Variants in CFAP97D2 observed in about 807,000 individuals in gnomAD.
CFAP97D2 encodes CFAP97 domain containing 2.
At chr13:114,209,937 T>TATTGA (rs2080959660) in intron 3 of CFAP97D2, among the ~76,000 whole-genome samples, 1 of 152,218 alleles carries the variant, frequency 6.6e-6, no homozygotes. Flanking sequence ...TTGCTCAATT[T>TATTGA]ATTGAATTGT....
At chr13:114,215,127 T>C (rs1402999157) in intron 4 of CFAP97D2, among the ~76,000 whole-genome samples, 1 of 152,174 alleles carries the variant, frequency 6.6e-6, no homozygotes, top group Admixed American at 6.5e-5. Flanking sequence ...ACAAACAGTC[T>C]AGCAATTTTC....
chr13:114,180,050 G>A (rs1043630647), intron 1 of CFAP97D2, among the ~76,000 whole-genome samples: 1 of 152,240 alleles, frequency 6.6e-6, no homozygotes, highest in South Asian at 2.1e-4. Flanking sequence ...TTTATTGGAT[G>A]CAAATGTGGA....
rs1443957363 is a variant in CFAP97D2 at position 114,215,681 on chromosome 13, C to T, written c.480+3580C>T. ...AATGTCAAAAACTCTATTCTTCACACTTCATAGAAATTGTTCTCCAGAGAT... is the reference window on the plus strand; with the variant it reads ...AATGTCAAAAACTCTATTCTTCACATTTCATAGAAATTGTTCTCCAGAGAT... On this transcript the variant is annotated intron_variant, in intron 4 of 4. Coordinates refer to ENST00000646158, the Ensembl canonical transcript of CFAP97D2. 2.0e-5 allele frequency: 3 copies of T among 152,200 alleles called. No homozygotes were observed. The South Asian group carries it at 6.2e-4, about 31-fold the overall frequency. 9.4% of individuals were successfully genotyped at this position (152,200 alleles called of 1,614,324 possible). A position where few individuals can be genotyped will look rare whatever the true frequency, so the allele number is the denominator to read the frequency against.
rs1325704610 is a variant in CFAP97D2, at chr13:114,179,629, T to C, written c.90+209T>C. Among the ~76,000 whole-genome samples the C allele has an allele frequency of 6.6e-6, 1 of 151,944 alleles. No homozygotes were observed. The highest frequency in any genetic ancestry group is 2.4e-5 in the African/African-American group (1 of 41,428). ...TAGTTGACGGCTTTCTTTCTTTCTT[T>C]TTTTTTTTTGAGATGACAGCTTTCA... is the stretch of plus-strand genomic sequence containing the variant. On this transcript the variant is annotated intron_variant, in intron 1 of 4. Transcript: ENST00000646158. The surrounding 1 kb of genome is among the most constrained non-coding windows in gnomAD (Gnocchi z 4.8).
At chr13:114,223,038 C>G (rs1318172593), downstream of CFAP97D2, 1 of 152,408 alleles carries the variant, frequency 6.6e-6, no homozygotes, top group African/African-American at 2.4e-5. Context: ...GTTCCTTTAA[C>G]AAATATCTAA....
chr13:114,216,070 C>T (rs1479197626), intron 4 of CFAP97D2, among the ~76,000 whole-genome samples: 1 of 152,198 alleles, frequency 6.6e-6, no homozygotes, highest in Non-Finnish European at 1.5e-5. Flanking sequence ...ACACAAGTCA[C>T]AATCTCACTA....
chr13:114,200,522 G>A, intron 3 of CFAP97D2, 79 bp downstream of exon 3: 1 of 397,260 alleles, frequency 2.5e-6, no homozygotes, highest in Non-Finnish European at 4.4e-6. Context: ...ATGAGCAGAA[G>A]AGCTGCCCGT....
At chr13:114,217,777 CAT>C (rs1253886781) in intron 4 of CFAP97D2, among the ~76,000 whole-genome samples, 1 of 152,222 alleles carries the variant, frequency 6.6e-6, no homozygotes, top group Non-Finnish European at 1.5e-5. Context: ...ACAAAAACCA[CAT>C]GATTATCTCA....
At chr13:114,204,890 A>C (rs570722578) in intron 3 of CFAP97D2, among the ~76,000 whole-genome samples, 160 of 152,340 alleles carry the variant, frequency 1.1e-3, no homozygotes, top group Non-Finnish European at 1.7e-3. Context: ...AGTAAAAAAA[A>C]CCCACAGAAT....
In CFAP97D2 at chr13:114,198,707, T is replaced by C. The variant is rs1273395559; in HGVS notation, c.172-1618T>C. On this transcript the variant is annotated intron_variant, in intron 2 of 4. Coordinates refer to ENST00000646158, the Ensembl canonical transcript of CFAP97D2. The stretch of plus-strand genomic sequence containing the variant: ...GGGTCCCCGTGCGTACGGTCCCCGC[T>C]GAGGGGTGACGGCGCGTCCCCGTGT... Among the ~76,000 whole-genome samples, 753 of 79,476 alleles carry C rather than the reference T, an allele frequency of 9.5e-3. 8 individuals carry two copies. The highest frequency in any genetic ancestry group is 0.06 in the East Asian group (90 of 1,492). 52.1% of individuals were successfully genotyped at this position (79,476 alleles called of 152,430 possible).
chr13:114,218,066 G>C (rs2081003868), intron 4 of CFAP97D2, among the ~76,000 whole-genome samples: 1 of 152,140 alleles, frequency 6.6e-6, no homozygotes, highest in African/African-American at 2.4e-5. Context: ...TATTCAATTA[G>C]GAAAAGAGGA....
rs1242935456 is a variant in CFAP97D2, at chr13:114,207,538, C to G, written c.291-4374C>G. Among the ~76,000 whole-genome samples, 1 of 152,178 alleles carries G rather than the reference C, an allele frequency of 6.6e-6. No homozygotes were observed. The highest frequency in any genetic ancestry group is 2.4e-5 in the African/African-American group (1 of 41,440). On this transcript the variant is annotated intron_variant, in intron 3 of 4. Transcript: ENST00000646158. The surrounding 1 kb of genome is among the most constrained non-coding windows in gnomAD (Gnocchi z 4.9). ...CGTGCAGTTCACAATAGGGTTCACA[C>G]TCCTATGACAATCTAATGGCACTGC...
chr13:114,201,780 A>G (rs904328305), intron 3 of CFAP97D2, among the ~76,000 whole-genome samples: 5 of 152,212 alleles, frequency 3.3e-5, no homozygotes, highest in African/African-American at 1.2e-4. Context: ...GATGGAATAA[A>G]CATATCTAGC....
intron 4 of CFAP97D2, among the ~76,000 whole-genome samples, chr13:114,216,387 C>A (rs903067902): frequency 2.0e-5 from 3 of 152,118 alleles, no homozygotes; most frequent in Admixed American, 6.5e-5. Flanking sequence ...GTGTGCCTCA[C>A]CCACTAACTT....
At chr13:114,192,365 A>G (rs2080872870) in intron 1 of CFAP97D2, among the ~76,000 whole-genome samples, 1 of 152,184 alleles carries the variant, frequency 6.6e-6, no homozygotes, top group Non-Finnish European at 1.5e-5. Context: ...CCTTTCTCTC[A>G]ATTTTGTTGT....
At chr13:114,201,003 GTCCC>G in intron 3 of CFAP97D2, among the ~76,000 whole-genome samples, 1 of 152,290 alleles carries the variant, frequency 6.6e-6, no homozygotes, top group Admixed American at 6.5e-5. Flanking sequence ...TCCTGTGTGG[GTCCC>G]AGCCTGGGAT....
rs1354353931 is a variant in CFAP97D2 at position 114,222,069 on chromosome 13, C to T, written c.481-429C>T. On this transcript the variant is annotated intron_variant, in intron 4 of 4. Coordinates refer to ENST00000646158, the Ensembl canonical transcript of CFAP97D2. This position sits in a 1 kb window ranked among gnomAD's most constrained non-coding sequence, Gnocchi z 4.4. ...TTACAGAATGGATAAACCTTAAAGA[C>T]ATTATTATGTTCCGTGAAAAAGCTG... 2.0e-5 allele frequency among the ~76,000 whole-genome samples: 3 copies of T among 152,162 alleles called. No homozygotes were observed. Among genetic ancestry groups the T allele is most frequent in the Admixed American group, 2.0e-4 (3 of 15,282 alleles).
intron 1 of CFAP97D2, among the ~76,000 whole-genome samples, chr13:114,194,821 G>A (rs1006497375): frequency 1.3e-5 from 2 of 152,214 alleles, no homozygotes; most frequent in Non-Finnish European, 2.9e-5. Flanking sequence ...CTGCCACCAG[G>A]CAAGCTAGTG....
chr13:114,206,126 C>G (rs906547819), intron 3 of CFAP97D2, among the ~76,000 whole-genome samples: 20 of 136,008 alleles, frequency 1.5e-4, no homozygotes, highest in African/African-American at 5.0e-4. Flanking sequence ...TTTTTTGAGA[C>G]AAAGTCTTGC....
Sources: allele counts gnomAD v4.1 joint callset (sites outside exome capture counted in the v4.1 genomes callset), GRCh38; gene constraint gnomAD v4.1.1; non-coding constraint Gnocchi (gnomAD v3.1); transcripts MANE v1.5; gene names NCBI Gene and HGNC (gene_info 2026-07-23, HGNC 2026-07-21).